The following ASAP1 variants were observed in gnomAD, a reference collection of about 807,000 sequenced individuals.
ASAP1 encodes the protein ArfGAP with SH3 domain, ankyrin repeat and PH domain 1, also known as arf-GAP with SH3 domain, ANK repeat and PH domain-containing protein 1.
Under a neutral mutation model 145.2 loss-of-function variants are expected in ASAP1, and 43 were observed. That is an observed-to-expected ratio of 0.30 (90% confidence interval 0.23 to 0.38). The LOEUF (loss-of-function observed/expected upper bound fraction) is 0.38, where lower values mean the gene tolerates loss of function less well. Ranked by LOEUF, ASAP1 falls within the 10% of genes least tolerant of loss-of-function variation. The probability of loss-of-function intolerance (pLI) is 1.00; values close to 1 mark genes in which losing one functional copy is unlikely to be tolerated. For missense variants in ASAP1, 1,018 were observed against 1,355.3 expected (o/e 0.75, Z 3.91); for synonymous variants, 546 against 515.5 (o/e 1.06, Z -0.80).
rs188837157 is a variant in ASAP1, at chr8:130,350,990, C to G, written c.186+7027G>C. Among the ~76,000 whole-genome samples, 435 of 152,300 alleles carry G rather than the reference C, an allele frequency of 2.9e-3. 7 individuals carry two copies. Among genetic ancestry groups the G allele is most frequent in the Admixed American group, 0.024 (367 of 15,304 alleles). ...AGGGTCATTTTCACATCTGCCCAGTCCAAGGAGGATTGCTTGCAGCACTGT... is the reference window on the plus strand; with the variant it reads ...AGGGTCATTTTCACATCTGCCCAGTGCAAGGAGGATTGCTTGCAGCACTGT... On this transcript the variant is annotated intron_variant, in intron 3 of 29. Coordinates refer to ENST00000518721, the MANE Select transcript of ASAP1 (RefSeq NM_018482.4).
At chr8:130,064,999 C>G (rs992319875) in intron 27 of ASAP1, among the ~76,000 whole-genome samples, 2 of 151,734 alleles carry the variant, frequency 1.3e-5, no homozygotes, top group Non-Finnish European at 2.9e-5. Flanking sequence ...CTCAGCTTCC[C>G]AAGCAGCTAG....
chr8:130,070,102 T>C (rs915013318), intron 27 of ASAP1, among the ~76,000 whole-genome samples: 9 of 152,164 alleles, frequency 5.9e-5, no homozygotes, highest in Non-Finnish European at 1.2e-4. Flanking sequence ...AGTGGCGCAA[T>C]CTCGGCTCAC....
chr8:130,084,528 C>T (rs1423595129), intron 25 of ASAP1: 4 of 152,126 alleles, frequency 2.6e-5, no homozygotes, highest in East Asian at 3.9e-4. Flanking sequence ...TTCGAAGCTA[C>T]AGGAGAAGAG....
intron 1 of ASAP1, among the ~76,000 whole-genome samples, chr8:130,435,987 T>C (rs751433511): frequency 2.0e-5 from 3 of 152,132 alleles, no homozygotes; most frequent in Admixed American, 1.3e-4. Context: ...CTACCCAAGA[T>C]AGGTGGGGCT....
At chr8:130,153,042 A>T (rs1480271132) in intron 12 of ASAP1, among the ~76,000 whole-genome samples, 1 of 151,372 alleles carries the variant, frequency 6.6e-6, no homozygotes, top group East Asian at 1.9e-4. Context: ...TTTGAGATGG[A>T]GTCTTGCTCT....
At chr8:130,333,615 C>G (rs780067243) in intron 3 of ASAP1, among the ~76,000 whole-genome samples, 1 of 151,934 alleles carries the variant, frequency 6.6e-6, no homozygotes, top group Non-Finnish European at 1.5e-5. Flanking sequence ...AAAAACAAAA[C>G]AAAACAAAAC....
At chr8:130,239,288 T>C (rs905616078) in intron 3 of ASAP1, among the ~76,000 whole-genome samples, 14 of 152,146 alleles carry the variant, frequency 9.2e-5, no homozygotes, top group African/African-American at 3.1e-4. Flanking sequence ...ATATTTAACA[T>C]ATACTTGGTA....
intron 7 of ASAP1, among the ~76,000 whole-genome samples, chr8:130,186,398 G>C (rs1228046060): frequency 6.6e-6 from 1 of 152,052 alleles, no homozygotes; most frequent in African/African-American, 2.4e-5. Flanking sequence ...GCTGCCTACA[G>C]AAATGTTTTA....
intron 25 of ASAP1, among the ~76,000 whole-genome samples, chr8:130,085,404 T>G (rs2097490381): frequency 6.6e-6 from 1 of 152,126 alleles, no homozygotes; most frequent in African/African-American, 2.4e-5. Flanking sequence ...TAAATTGTGT[T>G]AAAATATGTG....
intron 16 of ASAP1, among the ~76,000 whole-genome samples, chr8:130,127,029 A>C (rs1415405192): frequency 6.6e-6 from 1 of 152,214 alleles, no homozygotes; most frequent in Admixed American, 6.5e-5. Flanking sequence ...CAAAACACCT[A>C]GCATGATTCT....
At chr8:130,230,085 CAAACA>C (rs1381211532) in intron 4 of ASAP1, among the ~76,000 whole-genome samples, 2 of 150,648 alleles carry the variant, frequency 1.3e-5, no homozygotes, top group South Asian at 2.1e-4. Context: ...AACAAACAAA[CAAACA>C]AACAAACAAA....
At chr8:130,233,277 A>G (rs913083949) in intron 4 of ASAP1, among the ~76,000 whole-genome samples, 3 of 152,202 alleles carry the variant, frequency 2.0e-5, no homozygotes, top group African/African-American at 7.2e-5. Flanking sequence ...ATTAGTGAAT[A>G]TTAATAGCTG....
intron 13 of ASAP1, among the ~76,000 whole-genome samples, chr8:130,141,628 G>T (rs574564240): frequency 6.6e-6 from 1 of 152,250 alleles, no homozygotes; most frequent in East Asian, 1.9e-4. Context: ...GCTCATGGCA[G>T]CCTTGACCTC....
rs1258195080 is a variant in ASAP1 at position 130,358,301 on chromosome 8, G to A, written c.60-158C>T. Among the ~76,000 whole-genome samples, 1 of 149,926 alleles carries A rather than the reference G, an allele frequency of 6.7e-6. No individual in the cohort carries two copies. The highest frequency in any genetic ancestry group is 2.4e-5 in the African/African-American group (1 of 41,166). Reference sequence around the variant, plus strand: ...CTCCCGTCCCCGGCAGCGGCGAGAGGGAGGGAAGGAGGCGGGCGAAGGCAG... The same window carrying A: ...CTCCCGTCCCCGGCAGCGGCGAGAGAGAGGGAAGGAGGCGGGCGAAGGCAG... On this transcript the variant is annotated intron_variant, in intron 2 of 29. Transcript: ENST00000518721. This position sits in a 1 kb window ranked among gnomAD's most constrained non-coding sequence, Gnocchi z 4.1.
At chr8:130,088,183 T>C (rs1034979052) in intron 25 of ASAP1, among the ~76,000 whole-genome samples, 1 of 152,118 alleles carries the variant, frequency 6.6e-6, no homozygotes, top group Non-Finnish European at 1.5e-5. Context: ...CAGGCTGGGG[T>C]GCAATGGTGC....
chr8:130,277,462 T>C (rs533069338), intron 3 of ASAP1, among the ~76,000 whole-genome samples: 1 of 152,292 alleles, frequency 6.6e-6, no homozygotes, highest in Non-Finnish European at 1.5e-5. Context: ...ATTCAAAATA[T>C]GAATTCCATT....
chr8:130,218,387 A>G (rs992397909), intron 4 of ASAP1, among the ~76,000 whole-genome samples: 3 of 152,182 alleles, frequency 2.0e-5, no homozygotes, highest in African/African-American at 7.2e-5. Flanking sequence ...TGTATGCGCC[A>G]CCCAGCTTAA....
chr8:130,099,876 A>G (rs2097525650), intron 24 of ASAP1, among the ~76,000 whole-genome samples: 1 of 152,026 alleles, frequency 6.6e-6, no homozygotes, highest in Non-Finnish European at 1.5e-5. Flanking sequence ...ATAATATTCC[A>G]TATGTATATA....
At chr8:130,218,236 A>G (rs1817057467) in intron 4 of ASAP1, among the ~76,000 whole-genome samples, 1 of 152,114 alleles carries the variant, frequency 6.6e-6, no homozygotes. Flanking sequence ...TTGGAGACCT[A>G]TGAAAAAAGA....
Sources: allele counts gnomAD v4.1 joint callset (sites outside exome capture counted in the v4.1 genomes callset), GRCh38; gene constraint gnomAD v4.1.1; non-coding constraint Gnocchi (gnomAD v3.1); transcripts MANE v1.5; gene names NCBI Gene and HGNC (gene_info 2026-07-23, HGNC 2026-07-21).